The following TTC17 variants were observed in gnomAD, a reference collection of about 807,000 sequenced individuals.
TTC17 encodes the protein tetratricopeptide repeat domain 17, also known as tetratricopeptide repeat protein 17.
A neutral mutation model predicts 143.8 loss-of-function variants in TTC17; 58 were observed. The ratio of observed to expected loss-of-function variants is 0.40; its 90% CI spans 0.33 to 0.50. The LOEUF (loss-of-function observed/expected upper bound fraction) is 0.50, where lower values mean the gene tolerates loss of function less well. Ranked by LOEUF, TTC17 falls within the 20% of genes least tolerant of loss-of-function variation. The pLI, the probability that TTC17 is intolerant of heterozygous loss-of-function variation, is 0.49. For missense variants in TTC17, 1,273 were observed against 1,392.5 expected (o/e 0.91, Z 1.37); for synonymous variants, 501 against 497.8 (o/e 1.01, Z -0.09).
intron 21 of TTC17, chr11:43,466,254 A>C (rs1475026101): frequency 6.6e-6 from 1 of 152,244 alleles, no homozygotes. Context: ...TAGGATGGCC[A>C]CTATTAAAAA....
chr11:43,439,402 A>C (rs1051359127), intron 16 of TTC17, among the ~76,000 whole-genome samples: 3 of 152,034 alleles, frequency 2.0e-5, no homozygotes, highest in Admixed American at 6.6e-5. Flanking sequence ...TGTGTGTGGA[A>C]CATTACAAGC....
intron 21 of TTC17, among the ~76,000 whole-genome samples, chr11:43,453,179 TA>T (rs1554936881): frequency 1.7e-3 from 6 of 3,604 alleles, no homozygotes; most frequent in South Asian, 0.33. Context: ...GTGACGAAAA[TA>T]AGAGAGTTAA....
chr11:43,403,916 C>T (rs916477400), intron 10 of TTC17, 82 bp from the exon 11 acceptor site: 6 of 1,236,200 alleles, frequency 4.9e-6, no homozygotes, highest in Admixed American at 3.0e-5. Flanking sequence ...AATATTCACT[C>T]GCTTTTTTGG....
chr11:43,488,212 A>C (rs201786291), intron 21 of TTC17, among the ~76,000 whole-genome samples: 1 of 152,124 alleles, frequency 6.6e-6, no homozygotes, highest in East Asian at 1.9e-4. Context: ...CAGCTGTAAA[A>C]CCAATACTAA....
intron 21 of TTC17, among the ~76,000 whole-genome samples, chr11:43,468,693 G>T (rs1948029470): frequency 6.6e-6 from 1 of 152,084 alleles, no homozygotes; most frequent in African/African-American, 2.4e-5. Flanking sequence ...CCATCACCTT[G>T]GGAGGCCAAA....
intron 1 of TTC17, among the ~76,000 whole-genome samples, chr11:43,378,681 A>G (rs1365393758): frequency 1.3e-5 from 2 of 152,218 alleles, no homozygotes; most frequent in Admixed American, 6.5e-5. Flanking sequence ...AGCTACCAGT[A>G]TATGAGTGTT....
At chr11:43,433,362 C>T (rs913421520) in intron 16 of TTC17, among the ~76,000 whole-genome samples, 5 of 152,160 alleles carry the variant, frequency 3.3e-5, no homozygotes, top group Non-Finnish European at 7.3e-5. Flanking sequence ...ACTCTTAAAG[C>T]ATGTAGCTTT....
At chr11:43,458,220 C>T (rs879534398) in intron 21 of TTC17, among the ~76,000 whole-genome samples, 1 of 152,132 alleles carries the variant, frequency 6.6e-6, no homozygotes, top group African/African-American at 2.4e-5. Context: ...GAGCTCTTGA[C>T]TCTCATGTTT....
rs1272463106 is a variant in TTC17 at position 43,404,201 on chromosome 11, C to CAGA, written c.1479+59_1479+60insAAG. ...CTCAAACTGGCAAGATCCATTAAAG[C>CAGA]AGTGGCCCTCAACCTCACTGATTAA... On this transcript the variant is annotated intron_variant, in intron 11 of 23. Coordinates refer to ENST00000039989, the MANE Select transcript of TTC17 (RefSeq NM_018259.6). The CAGA allele has an allele frequency of 3.3e-6, 5 of 1,536,762 alleles. No homozygotes were observed. In the Admixed American group the frequency reaches 9.6e-5, roughly 30 times the overall value.
At chr11:43,481,276 T>C (rs972328392) in intron 21 of TTC17, among the ~76,000 whole-genome samples, 11 of 152,208 alleles carry the variant, frequency 7.2e-5, no homozygotes, top group African/African-American at 2.2e-4. Flanking sequence ...TCTGTCAACA[T>C]AAACACTCTT....
intron 22 of TTC17, chr11:43,491,731 A>G: frequency 2.8e-6 from 1 of 355,532 alleles, no homozygotes; most frequent in South Asian, 3.7e-5. Context: ...AAGGAGCTTC[A>G]CCAGAAGAAA....
chr11:43,451,119 G>A, intron 20 of TTC17, 63 bp from the exon 21 acceptor site: 1 of 1,507,808 alleles, frequency 6.6e-7, no homozygotes, highest in Admixed American at 1.7e-5. Context: ...CTCAGCATTA[G>A]CAGTATCATC....
chr11:43,478,214 T>C (rs1319387050), intron 21 of TTC17, among the ~76,000 whole-genome samples: 1 of 152,114 alleles, frequency 6.6e-6, no homozygotes, highest in Admixed American at 6.5e-5. Context: ...AAAAAACTAA[T>C]GAAGATGGAC....
chr11:43,406,466 G>A (rs1032992453), intron 13 of TTC17, among the ~76,000 whole-genome samples: 27 of 151,366 alleles, frequency 1.8e-4, no homozygotes, highest in African/African-American at 6.3e-4. Flanking sequence ...ATATAACTAC[G>A]AGTGTTTTAT....
chr11:43,491,628 CT>C (rs1160168489), intron 22 of TTC17: 1 of 160,190 alleles, frequency 6.2e-6, no homozygotes, highest in Non-Finnish European at 1.4e-5. Flanking sequence ...TATAATGGTT[CT>C]TGCAGAAATT....
At chr11:43,492,712 TAATG>T (rs1435035307) in intron 23 of TTC17, among the ~76,000 whole-genome samples, 2 of 152,238 alleles carry the variant, frequency 1.3e-5, no homozygotes, top group African/African-American at 4.8e-5. Context: ...ACCAAGTAGT[TAATG>T]AATGAAGAAA....
chr11:43,486,014 A>G (rs1326731800), intron 21 of TTC17, among the ~76,000 whole-genome samples: 2 of 152,004 alleles, frequency 1.3e-5, no homozygotes, highest in Non-Finnish European at 2.9e-5. Flanking sequence ...GAAAATGGAT[A>G]AATACCATGT....
intron 5 of TTC17, among the ~76,000 whole-genome samples, chr11:43,392,891 C>T (rs878913870): frequency 1.3e-5 from 2 of 152,096 alleles, no homozygotes; most frequent in Admixed American, 6.5e-5. Context: ...TTATCCTATC[C>T]GGAAACGTGA....
chr11:43,439,105 TC>T (rs1469185218), intron 16 of TTC17, among the ~76,000 whole-genome samples: 1 of 152,244 alleles, frequency 6.6e-6, no homozygotes, highest in Non-Finnish European at 1.5e-5. Flanking sequence ...TCTTTGCTTC[TC>T]TTCAGTTAAA....
Sources: gnomAD v4.1 joint callset for allele counts (sites outside exome capture counted in the v4.1 genomes callset) on GRCh38, gnomAD v4.1.1 for gene constraint, MANE v1.5 for transcripts, NCBI Gene and HGNC (gene_info 2026-07-23, HGNC 2026-07-21) for gene names.